The following LARP4B variants were observed in gnomAD, a reference collection of about 807,000 sequenced individuals.
LARP4B encodes la-related protein 4B.
A neutral mutation model predicts 89.8 loss-of-function variants in LARP4B; 12 were observed. That is an observed-to-expected ratio of 0.13 (90% confidence interval 0.09 to 0.22). The LOEUF is 0.22. Among genes scored for constraint, LARP4B ranks in the 10% least tolerant of loss-of-function variants. LARP4B has a pLI of 1.00. For missense variants in LARP4B, 757 were observed against 947.7 expected (o/e 0.80, Z 2.64); for synonymous variants, 367 against 363.3 (o/e 1.01, Z -0.12).
At chr10:862,281 A>AAAAAAAAAAAAAAAAAAAAAAAAT (rs397847739) in intron 5 of LARP4B, among the ~76,000 whole-genome samples, 1 of 147,358 alleles carries the variant, frequency 6.8e-6, no homozygotes. Context: ...AAAAAAAAAA[A>AAAAAAAAAAAAAAAAAAAAAAAAT]CAACCGTCAC....
intron 3 of LARP4B, among the ~76,000 whole-genome samples, chr10:871,763 G>A (rs1408061907): frequency 6.6e-6 from 1 of 152,052 alleles, no homozygotes. Flanking sequence ...AGGCCTCTTA[G>A]GACTTAAATC....
At chr10:932,039 G>C (rs1202945355), upstream of LARP4B, among the ~76,000 whole-genome samples, 1 of 140,220 alleles carries the variant, frequency 7.1e-6, no homozygotes, top group Non-Finnish European at 1.5e-5. Context: ...CTGGGGGGCC[G>C]TGTGGGCCCT....
At chr10:922,101 G>A (rs1166243079) in intron 1 of LARP4B, among the ~76,000 whole-genome samples, 1 of 152,142 alleles carries the variant, frequency 6.6e-6, no homozygotes, top group African/African-American at 2.4e-5. Flanking sequence ...GGGTGGTGAG[G>A]AGGATGCTTT....
chr10:911,130 G>C (rs1836654060), intron 1 of LARP4B, among the ~76,000 whole-genome samples: 1 of 152,220 alleles, frequency 6.6e-6, no homozygotes, highest in Non-Finnish European at 1.5e-5. Flanking sequence ...ACACAGGACA[G>C]TTGTGAGCAG....
At chr10:845,268 G>A (rs1016315588) in intron 5 of LARP4B, among the ~76,000 whole-genome samples, 1 of 152,150 alleles carries the variant, frequency 6.6e-6, no homozygotes, top group African/African-American at 2.4e-5. Context: ...GCACAGTTTA[G>A]AAAAATAATC....
At chr10:858,447 C>T (rs145895510) in intron 5 of LARP4B, among the ~76,000 whole-genome samples, 189 of 152,152 alleles carry the variant, frequency 1.2e-3, no homozygotes, top group African/African-American at 4.3e-3. Context: ...AAAACTCAGA[C>T]GAAAACACAG....
intron 1 of LARP4B, among the ~76,000 whole-genome samples, chr10:902,638 CTT>C (rs537413514): frequency 0.16 from 21,776 of 140,096 alleles, 1,715 homozygotes; most frequent in Non-Finnish European, 0.19. Context: ...AACATAAAAT[CTT>C]TTTTTTTTTT....
intron 14 of LARP4B, chr10:820,596 A>C: frequency 1.8e-6 from 1 of 571,034 alleles, no homozygotes; most frequent in East Asian, 2.9e-5. Flanking sequence ...AGTCCTGTGC[A>C]GCACATCGCT....
rs1259462962 is a variant in LARP4B, at chr10:822,482, C to A, written c.1485-1637G>T. Among the ~76,000 whole-genome samples the A allele has an allele frequency of 6.6e-6, 1 of 152,186 alleles. No homozygotes were observed. Among genetic ancestry groups the A allele is most frequent in the African/African-American group, 2.4e-5 (1 of 41,434 alleles). ...CTGCCATGGGGTCCTATCCCAGTCA[C>A]CATCAGTGGGCCCAGCCAACACTCC... On this transcript the variant is annotated intron_variant, in intron 13 of 17. Coordinates refer to ENST00000316157, the MANE Select transcript of LARP4B (RefSeq NM_015155.3). This position sits in a 1 kb window ranked among gnomAD's most constrained non-coding sequence, Gnocchi z 4.6.
At chr10:828,048 G>A (rs965422063) in intron 11 of LARP4B, among the ~76,000 whole-genome samples, 3 of 152,120 alleles carry the variant, frequency 2.0e-5, no homozygotes, top group African/African-American at 7.2e-5. Context: ...GGCCTTAGGA[G>A]CTATTTTCTA....
chr10:954,680 G>C, the LARP4B span, among the ~76,000 whole-genome samples: 5 of 152,116 alleles, frequency 3.3e-5, no homozygotes, highest in Non-Finnish European at 5.9e-5. This position sits in a 1 kb window ranked among gnomAD's most constrained non-coding sequence, Gnocchi z 5.0. Flanking sequence ...AGTCCTTCAG[G>C]GTACCGGCCG....
intron 8 of LARP4B, among the ~76,000 whole-genome samples, chr10:834,048 G>GT (rs1564392861): frequency 6.6e-6 from 1 of 152,162 alleles, no homozygotes; most frequent in African/African-American, 2.4e-5. Context: ...ATCAAGGAAC[G>GT]TGAGAGTGGC....
intron 1 of LARP4B, among the ~76,000 whole-genome samples, chr10:921,951 T>C (rs1836991813): frequency 6.6e-6 from 1 of 152,216 alleles, no homozygotes; most frequent in South Asian, 2.1e-4. Flanking sequence ...GAAGCAACTA[T>C]TGCTGATTCA....
At chr10:950,038 A>T in the LARP4B span, among the ~76,000 whole-genome samples, 37 of 151,432 alleles carry the variant, frequency 2.4e-4, no homozygotes, top group Non-Finnish European at 5.2e-4. Flanking sequence ...GGCCTTCCAC[A>T]GTGCTTGGAT....
At chr10:858,813 C>T (rs1207532302) in intron 5 of LARP4B, among the ~76,000 whole-genome samples, 4 of 152,074 alleles carry the variant, frequency 2.6e-5, no homozygotes, top group Non-Finnish European at 5.9e-5. Flanking sequence ...GAAATGCAAG[C>T]CAAAACTACA....
intron 1 of LARP4B, among the ~76,000 whole-genome samples, chr10:912,749 G>A (rs1270916936): frequency 6.6e-6 from 1 of 151,870 alleles, no homozygotes; most frequent in African/African-American, 2.4e-5. Flanking sequence ...AATTAGCGGG[G>A]CATGGTGGCG....
At chr10:931,968 T>TCCGCCCCGG (rs1564451820), upstream of LARP4B, among the ~76,000 whole-genome samples, 1 of 143,438 alleles carries the variant, frequency 7.0e-6, no homozygotes, top group African/African-American at 2.6e-5. Context: ...ACGCCGCACG[T>TCCGCCCCGG]CCGCCCCGCC....
intron 1 of LARP4B, among the ~76,000 whole-genome samples, chr10:887,425 A>G (rs1033876702): frequency 1.1e-4 from 16 of 152,026 alleles, no homozygotes; most frequent in African/African-American, 3.9e-4. Context: ...AAAAAAAAAA[A>G]AAGGTCAGAT....
chr10:816,792 C>T (rs574226429), intron 15 of LARP4B, among the ~76,000 whole-genome samples: 3 of 152,302 alleles, frequency 2.0e-5, no homozygotes, highest in Admixed American at 6.5e-5. Flanking sequence ...GGACTAGACA[C>T]GTCACCTGGC....
Sources: gnomAD v4.1 joint callset for allele counts (sites outside exome capture counted in the v4.1 genomes callset) on GRCh38, gnomAD v4.1.1 for gene constraint, Gnocchi (gnomAD v3.1) non-coding constraint, MANE v1.5 for transcripts, NCBI Gene and HGNC (gene_info 2026-07-23, HGNC 2026-07-21) for gene names.